The following EDIL3 variants were observed in gnomAD, a reference collection of about 807,000 sequenced individuals.
EDIL3 encodes the protein EGF-like repeat and discoidin I-like domain-containing protein 3.
Under a neutral mutation model 67.4 loss-of-function variants are expected in EDIL3, and 37 were observed. The ratio of observed to expected loss-of-function variants is 0.55; its 90% CI spans 0.42 to 0.72. The LOEUF (loss-of-function observed/expected upper bound fraction) is 0.72. EDIL3 is among the 30% of genes least tolerant of loss of function. The pLI is 0.00. For synonymous variants in EDIL3, 195 were observed against 196.3 expected, an observed-to-expected ratio of 0.99 and a Z score of 0.05; for missense variants, 527 against 586.3, an observed-to-expected ratio of 0.90 and a Z score of 1.04.
At position 84,228,567 on chromosome 5, in the gene EDIL3, C is replaced by T. The variant is rs145681119; in HGVS notation, c.226+1288G>A. The stretch of plus-strand genomic sequence containing the variant: ...CTATCCTAATCAGGCTATAGACTAT[C>T]TAACAATATTATGAAAATGAAACAT... On this transcript the variant is annotated intron_variant, in intron 3 of 10. Coordinates refer to ENST00000296591, the MANE Select transcript of EDIL3 (RefSeq NM_005711.5). Among the ~76,000 whole-genome samples the T allele has an allele frequency of 1.3e-4, 20 of 152,146 alleles. No individual in the cohort carries two copies. The Middle Eastern group carries it at 0.01, about 78-fold the overall frequency.
intron 2 of EDIL3, among the ~76,000 whole-genome samples, chr5:84,250,193 T>G (rs935239767): frequency 2.6e-5 from 4 of 152,198 alleles, no homozygotes; most frequent in East Asian, 1.9e-4. Flanking sequence ...GCTTTTTCTT[T>G]GCTTTGTTTG....
chr5:84,004,390 G>A (rs1745379547), intron 9 of EDIL3, among the ~76,000 whole-genome samples: 1 of 151,678 alleles, frequency 6.6e-6, no homozygotes, highest in African/African-American at 2.4e-5. Flanking sequence ...ATCTCCACAT[G>A]GCACATAGTC....
chr5:84,260,112 T>C (rs576246659), intron 1 of EDIL3, among the ~76,000 whole-genome samples: 21 of 152,340 alleles, frequency 1.4e-4, no homozygotes, highest in Admixed American at 5.2e-4. Context: ...AGAGAATTAC[T>C]GAATCATTAA....
Position 84,117,194 on chromosome 5 carries a change from A to AT in EDIL3, c.470-10365dup, listed in dbSNP as rs1336504023. ...AGGCGCCCACCATCACGCCCGGCTAATTTTTTTTTGTATTTTTAGTAGAGA... is the reference window on the plus strand; with the variant it reads ...AGGCGCCCACCATCACGCCCGGCTAATTTTTTTTTTGTATTTTTAGTAGAGA... On this transcript the variant is annotated intron_variant, in intron 5 of 10. Coordinates refer to ENST00000296591, the MANE Select transcript of EDIL3 (RefSeq NM_005711.5). Among the ~76,000 whole-genome samples the AT allele has an allele frequency of 3.3e-4, 50 of 150,298 alleles. No individual in the cohort carries two copies. The East Asian group carries it at 3.9e-3, about 12-fold the overall frequency.
chr5:83,979,955 C>G (rs914228581), intron 9 of EDIL3, among the ~76,000 whole-genome samples: 1 of 152,088 alleles, frequency 6.6e-6, no homozygotes. Flanking sequence ...ACATCAATGT[C>G]TTGTAGGGCA....
At chr5:84,083,561 CA>C (rs1747015687) in intron 6 of EDIL3, among the ~76,000 whole-genome samples, 1 of 152,030 alleles carries the variant, frequency 6.6e-6, no homozygotes, top group Non-Finnish European at 1.5e-5. Context: ...GCTTGTAACC[CA>C]CCCATGCTAG....
intron 1 of EDIL3, among the ~76,000 whole-genome samples, chr5:84,359,276 G>A (rs1747549799): frequency 1.3e-5 from 2 of 152,074 alleles, no homozygotes; most frequent in South Asian, 4.1e-4. Flanking sequence ...AAGAATTTTG[G>A]ATAAATGTCA....
chr5:83,955,566 T>C (rs1402051729), intron 10 of EDIL3, among the ~76,000 whole-genome samples: 3 of 151,732 alleles, frequency 2.0e-5, no homozygotes, highest in Non-Finnish European at 4.4e-5. Flanking sequence ...TATTATCATA[T>C]TATCCTGACT....
chr5:84,326,076 T>C (rs563159449), intron 1 of EDIL3, among the ~76,000 whole-genome samples: 3 of 152,046 alleles, frequency 2.0e-5, no homozygotes, highest in Non-Finnish European at 4.4e-5. Flanking sequence ...GTCATTATCA[T>C]GGAATTGAGT....
chr5:83,971,415 C>T (rs1413672531), intron 9 of EDIL3, among the ~76,000 whole-genome samples: 1 of 151,652 alleles, frequency 6.6e-6, no homozygotes, highest in African/African-American at 2.4e-5. Context: ...TAGCTAGGGG[C>T]ATGCACCTCC....
chr5:84,242,556 G>A (rs1360062313), intron 2 of EDIL3, among the ~76,000 whole-genome samples: 2 of 151,882 alleles, frequency 1.3e-5, no homozygotes, highest in African/African-American at 4.8e-5. Context: ...TCAACATTTC[G>A]GGAGGCTGAG....
chr5:84,342,220 T>A (rs1226258194), intron 1 of EDIL3, among the ~76,000 whole-genome samples: 2 of 152,024 alleles, frequency 1.3e-5, no homozygotes, highest in African/African-American at 4.8e-5. Flanking sequence ...ATGAGTGGAA[T>A]TGGAAGCCAT....
intron 9 of EDIL3, among the ~76,000 whole-genome samples, chr5:83,989,839 T>C (rs1361132949): frequency 6.6e-6 from 1 of 152,136 alleles, no homozygotes. Flanking sequence ...AGCTAGAGTT[T>C]CTCCTAGCTG....
intron 4 of EDIL3, among the ~76,000 whole-genome samples, chr5:84,179,920 T>G (rs888600515): frequency 8.5e-5 from 13 of 152,100 alleles, no homozygotes; most frequent in Admixed American, 8.5e-4. Context: ...AGCATACTTA[T>G]TGAGCTTTCA....
intron 3 of EDIL3, among the ~76,000 whole-genome samples, chr5:84,199,199 G>C (rs1328504589): frequency 6.6e-6 from 1 of 151,754 alleles, no homozygotes; most frequent in East Asian, 1.9e-4. Context: ...TTTCATCTTA[G>C]TTTGTTGACT....
intron 9 of EDIL3, among the ~76,000 whole-genome samples, chr5:83,992,657 T>C (rs1561396372): frequency 6.6e-6 from 1 of 152,148 alleles, no homozygotes; most frequent in Admixed American, 6.5e-5. Flanking sequence ...GTGAAAACAC[T>C]GAGATATTTA....
chr5:84,189,697 A>G (rs1326833288), intron 3 of EDIL3, among the ~76,000 whole-genome samples: 1 of 151,944 alleles, frequency 6.6e-6, no homozygotes, highest in Non-Finnish European at 1.5e-5. Context: ...TCAGCTCAGA[A>G]TGTTTTATTA....
chr5:84,013,593 T>C (rs1745552969), intron 9 of EDIL3, among the ~76,000 whole-genome samples: 1 of 152,168 alleles, frequency 6.6e-6, no homozygotes, highest in Non-Finnish European at 1.5e-5. Flanking sequence ...ATTCATTCTA[T>C]TGTTTATTTG....
intron 1 of EDIL3, among the ~76,000 whole-genome samples, chr5:84,307,313 G>A (rs1746292344): frequency 6.6e-6 from 1 of 152,022 alleles, no homozygotes; most frequent in Admixed American, 6.6e-5. Flanking sequence ...TCACAGTGAA[G>A]AAAATTAACA....
Sources: gnomAD v4.1 joint callset for allele counts (sites outside exome capture counted in the v4.1 genomes callset) on GRCh38, gnomAD v4.1.1 for gene constraint, MANE v1.5 for transcripts, NCBI Gene and HGNC (gene_info 2026-07-23, HGNC 2026-07-21) for gene names.